The following BOD1L1 variants were observed in gnomAD, a reference collection of about 807,000 sequenced individuals.
BOD1L1 encodes the protein biorientation of chromosomes in cell division protein 1-like 1.
Under a neutral mutation model 240.7 loss-of-function variants are expected in BOD1L1, and 86 were observed. The observed-to-expected ratio is 0.36, with a 90% CI of 0.30 to 0.43. The LOEUF is 0.43. Among genes scored for constraint, BOD1L1 ranks in the 20% least tolerant of loss-of-function variants. BOD1L1 has a pLI of 1.00. For missense variants in BOD1L1, 3,554 were observed against 3,643.5 expected (o/e 0.98, Z 0.63); for synonymous variants, 1,268 against 1,272.3 (o/e 1.00, Z 0.07).
In BOD1L1 at chr4:13,602,467, T is replaced by C. The variant is rs768751960; in HGVS notation, c.4433A>G (p.Glu1478Gly). Reference sequence around the variant, plus strand: ...AGCACTGGTGTCTACCTCACTGTTTTCATTCCTTCTTTCAACATCAATTGA... The same window carrying C: ...AGCACTGGTGTCTACCTCACTGTTTCCATTCCTTCTTTCAACATCAATTGA... ...DISIDVERRN[E>G]NSEVDTSAGS... is the part of the protein sequence containing the mutation. The change falls in exon 10 of 26, where the codon GAA becomes GGA. Residue 1478 changes from glutamate to glycine, a missense_variant. This residue lies in a region of BOD1L1 where 3,393 missense variants were observed against 3,427.1 expected (regional missense o/e 0.99). Transcript: ENST00000040738. 1 of 1,613,900 alleles carries C rather than the reference T, an allele frequency of 6.2e-7. No homozygotes were observed. The highest frequency in any genetic ancestry group is 1.1e-5 in the South Asian group (1 of 91,086).
Position 13,602,841 on chromosome 4 carries a change from A to T in BOD1L1, c.4059T>A (p.Asp1353Glu). 1 of 1,613,974 alleles carries T rather than the reference A, an allele frequency of 6.2e-7. No homozygotes were observed. Among genetic ancestry groups the T allele is most frequent in the Non-Finnish European group, 8.5e-7 (1 of 1,179,884 alleles). Reference sequence around the variant, plus strand: ...TAGTGATGCTTGCTTTTGCTGGTGTATCTACTGTGAAACCTTCACCACCTT... The same window carrying T: ...TAGTGATGCTTGCTTTTGCTGGTGTTTCTACTGTGAAACCTTCACCACCTT... ...SKEGGEGFTV[D>E]TPAKASITSK... Residue 1353 changes from aspartate (D) to glutamate (E), a missense_variant, in exon 10 of 26, where the codon GAT (aspartate) becomes GAA (glutamate). Around this residue, in one of 2 missense-constraint regions of BOD1L1, gnomAD observed 3,393 missense variants for 3,427.1 expected, o/e 0.99. Coordinates refer to ENST00000040738, the MANE Select transcript of BOD1L1 (RefSeq NM_148894.3).
chr4:13,590,831 T>C (rs971410037), intron 13 of BOD1L1, among the ~76,000 whole-genome samples: 2 of 152,118 alleles, frequency 1.3e-5, no homozygotes, highest in African/African-American at 4.8e-5. Context: ...GCAAATCTTA[T>C]CAATTCTACT....
chr4:13,609,534 C>T, intron 6 of BOD1L1, 128 bp from the exon 7 acceptor site: 1 of 545,634 alleles, frequency 1.8e-6, no homozygotes, highest in South Asian at 3.3e-5. Flanking sequence ...TGAAAAAATG[C>T]ACATACACTA....
Position 13,602,038 on chromosome 4 carries a change from G to C in BOD1L1, c.4862C>G (p.Ala1621Gly), listed in dbSNP as rs1029427373. ...KEGESGECAV[A>G]ESEDRAADLL... ...GTCTGCTGCTCTGTCCTCAGATTCA[G>C]CCACAGCACACTCCCCACTTTCCCC... Residue 1621 changes from alanine to glycine, a missense_variant, in exon 10 of 26, where the codon GCT becomes GGT. Around this residue, in one of 2 missense-constraint regions of BOD1L1, gnomAD observed 3,393 missense variants for 3,427.1 expected, o/e 0.99. Transcript: ENST00000040738. The C allele has an allele frequency of 3.1e-6, 5 of 1,613,850 alleles. No homozygotes were observed. The African/African-American group carries it at 5.3e-5, about 17-fold the overall frequency.
chr4:13,620,497 C>T (rs1716963368), intron 1 of BOD1L1, among the ~76,000 whole-genome samples: 1 of 152,068 alleles, frequency 6.6e-6, no homozygotes, highest in Non-Finnish European at 1.5e-5. Flanking sequence ...AAACTGGAGG[C>T]CAGGAGCATT....
chr4:13,598,587 G>C (rs1438715426), intron 10 of BOD1L1, among the ~76,000 whole-genome samples: 1 of 152,110 alleles, frequency 6.6e-6, no homozygotes, highest in Non-Finnish European at 1.5e-5. Context: ...ATTGGGTTGT[G>C]GTAGGGTATT....
At chr4:13,587,361 G>A (rs942526450) in intron 16 of BOD1L1, among the ~76,000 whole-genome samples, 1 of 152,132 alleles carries the variant, frequency 6.6e-6, no homozygotes, top group Non-Finnish European at 1.5e-5. Flanking sequence ...GGCACTTTTG[G>A]ACTAAAGTGC....
At chr4:13,595,662 G>A (rs1440841519) in intron 12 of BOD1L1, among the ~76,000 whole-genome samples, 198 bp downstream of exon 12, 2 of 152,164 alleles carry the variant, frequency 1.3e-5, no homozygotes, top group African/African-American at 2.4e-5. Flanking sequence ...CCTACATAAT[G>A]TTGATTGACA....
intron 15 of BOD1L1, among the ~76,000 whole-genome samples, chr4:13,587,975 G>T (rs1713844946): frequency 6.6e-6 from 1 of 152,108 alleles, no homozygotes; most frequent in African/African-American, 2.4e-5. Context: ...CACGAGGTCA[G>T]GAGATCAAGA....
At chr4:13,584,437 A>AGT (rs1472155341) in intron 17 of BOD1L1, among the ~76,000 whole-genome samples, 2 of 125,782 alleles carry the variant, frequency 1.6e-5, no homozygotes, top group African/African-American at 6.9e-5. Flanking sequence ...AGAAAGAGAG[A>AGT]GAGAGTGTGT....
rs577854208 is a variant in BOD1L1 at position 13,582,182 on chromosome 4, A to G, written c.8592+55T>C. On this transcript the variant is annotated intron_variant, in intron 19 of 25. Coordinates refer to ENST00000040738, the MANE Select transcript of BOD1L1 (RefSeq NM_148894.3). ...AAGATAACAGTATTTAATGAATTTA[A>G]TTTGGTTAGTGCTTAAATAATTGTG... The G allele has an allele frequency of 3.5e-6, 5 of 1,424,614 alleles. No individual in the cohort carries two copies. In the African/African-American group the frequency reaches 5.7e-5, roughly 16 times the overall value. 88.2% of individuals were successfully genotyped at this position (1,424,614 alleles called of 1,614,324 possible).
Position 13,588,201 on chromosome 4 carries a change from A to G in BOD1L1, c.8281-430T>C, listed in dbSNP as rs1713882083. 2.6e-5 allele frequency among the ~76,000 whole-genome samples: 4 copies of G among 151,832 alleles called. No individual in the cohort carries two copies. The South Asian group carries it at 8.3e-4, about 32-fold the overall frequency. On this transcript the variant is annotated intron_variant, in intron 15 of 25. Coordinates refer to ENST00000040738, the MANE Select transcript of BOD1L1 (RefSeq NM_148894.3). ...AGACTGTTTCAAAAAAAAAAAAAAA[A>G]AGAAAAAAAAATCTAGAACACTTGA...
At chr4:13,585,168 T>C (rs1233343403) in intron 17 of BOD1L1, among the ~76,000 whole-genome samples, 1 of 152,188 alleles carries the variant, frequency 6.6e-6, no homozygotes, top group Non-Finnish European at 1.5e-5. Context: ...GTTTCTTCCT[T>C]TGGTCAGAAC....
intron 19 of BOD1L1, among the ~76,000 whole-genome samples, chr4:13,581,909 T>C (rs563524258): frequency 6.6e-6 from 1 of 152,294 alleles, no homozygotes; most frequent in African/African-American, 2.4e-5. Flanking sequence ...AGCCTCCTGT[T>C]TGCTGCCATG....
At chr4:13,625,935 C>T (rs913222810) in intron 1 of BOD1L1, 4 of 152,138 alleles carry the variant, frequency 2.6e-5, no homozygotes, top group Admixed American at 6.6e-5. Context: ...TCAAGAGTTT[C>T]CCCAGAAGAC....
In BOD1L1 at chr4:13,609,399, T is replaced by C. The variant is rs766649649; in HGVS notation, c.1499A>G (p.Glu500Gly). 2 of 1,519,194 alleles carry C rather than the reference T, an allele frequency of 1.3e-6. No homozygotes were observed. Among genetic ancestry groups the C allele is most frequent in the South Asian group, 2.7e-5 (2 of 74,184 alleles). The allele number at this position is 1,519,194 out of a possible 1,614,324, so 94.1% of individuals were successfully genotyped here. The change falls in exon 7 of 26, where the codon GAA becomes GGA. Residue 500 changes from glutamate (E) to glycine (G), a missense_variant. Physicochemically the swap from Glu to Gly is moderately conservative, Grantham distance 98 (BLOSUM62 -2). Around this residue, in one of 2 missense-constraint regions of BOD1L1, gnomAD observed 3,393 missense variants for 3,427.1 expected, o/e 0.99. Coordinates refer to ENST00000040738, the MANE Select transcript of BOD1L1 (RefSeq NM_148894.3). ...VEQRRQSIAK[E>G]KEERLLRRQI... ...CCTTCTTAAAAGCCTCTCTTCTTTT[T>C]CTTTGGCCTAAAACCACAAAATACC...
intron 17 of BOD1L1, among the ~76,000 whole-genome samples, chr4:13,584,468 GTGTGTGTGTGTGTGT>G (rs1713509832): frequency 6.6e-6 from 1 of 150,578 alleles, no homozygotes; most frequent in Admixed American, 6.6e-5. Context: ...GTGTGTGTGT[GTGTGTGTGTGTGTGT>G]TGGAGCGAGT....
At chr4:13,598,787 A>G (rs1193297838) in intron 10 of BOD1L1, among the ~76,000 whole-genome samples, 159 bp downstream of exon 10, 1 of 152,204 alleles carries the variant, frequency 6.6e-6, no homozygotes, top group Admixed American at 6.5e-5. Flanking sequence ...TTCAAGTTTG[A>G]TGAGAGTTAT....
chr4:13,585,300 G>A (rs1451739756), intron 17 of BOD1L1, among the ~76,000 whole-genome samples: 2 of 152,092 alleles, frequency 1.3e-5, no homozygotes, highest in African/African-American at 4.8e-5. Flanking sequence ...TTAGAGAACT[G>A]GAAGTCAGCT....
Sources: allele counts gnomAD v4.1 joint callset (sites outside exome capture counted in the v4.1 genomes callset), GRCh38; gene constraint gnomAD v4.1.1; regional missense constraint gnomAD v4.1.1; transcripts MANE v1.5; gene names NCBI Gene and HGNC (gene_info 2026-07-23, HGNC 2026-07-21).